SYNE1: variants seen among roughly 807,000 people sequenced by gnomAD.
SYNE1 encodes nesprin-1.
SYNE1 carries 616 observed loss-of-function variants against 1,111.0 expected under a neutral mutation model. The ratio of observed to expected loss-of-function variants is 0.55; its 90% CI spans 0.52 to 0.59. SYNE1 has a LOEUF of 0.59. SYNE1 is among the 20% of genes least tolerant of loss of function. The probability of loss-of-function intolerance (pLI) is 0.00; values close to 1 mark genes in which losing one functional copy is unlikely to be tolerated. For missense variants in SYNE1, 10,006 were observed against 10,417.0 expected (o/e 0.96, Z 1.72); for synonymous variants, 3,855 against 3,825.8 (o/e 1.01, Z -0.28).
intron 72 of SYNE1, among the ~76,000 whole-genome samples, chr6:152,349,607 T>C (rs1184489199): frequency 6.6e-6 from 1 of 152,246 alleles, no homozygotes; most frequent in Admixed American, 6.5e-5. Context: ...AACGCGAGGA[T>C]TCAACTCTTC....
chr6:152,582,288 G>A (rs1352595087), intron 3 of SYNE1, among the ~76,000 whole-genome samples: 1 of 152,040 alleles, frequency 6.6e-6, no homozygotes, highest in Non-Finnish European at 1.5e-5. Flanking sequence ...ATATCTGGAA[G>A]TTCTCTTTCC....
At chr6:152,411,349 T>C (rs918834654) in intron 42 of SYNE1, among the ~76,000 whole-genome samples, 6 of 152,204 alleles carry the variant, frequency 3.9e-5, no homozygotes, top group Admixed American at 3.9e-4. Flanking sequence ...ATTTATTTAC[T>C]TACTTATTTA....
intron 4 of SYNE1, among the ~76,000 whole-genome samples, chr6:152,533,138 G>A (rs1292337432): frequency 6.6e-6 from 1 of 152,064 alleles, no homozygotes; most frequent in Non-Finnish European, 1.5e-5. Context: ...ACAAAGTGTA[G>A]TAATTTAAAA....
intron 11 of SYNE1, among the ~76,000 whole-genome samples, chr6:152,490,582 C>T (rs941436858): frequency 1.3e-5 from 2 of 152,152 alleles, no homozygotes; most frequent in East Asian, 1.9e-4. Flanking sequence ...AAGAGAAAAA[C>T]CCCCTTTGAC....
intron 39 of SYNE1, 62 bp downstream of exon 39, chr6:152,425,319 T>C: frequency 1.9e-6 from 3 of 1,553,472 alleles, no homozygotes; most frequent in Non-Finnish European, 2.7e-6. Context: ...CTTTCTTAAT[T>C]TATATGCTCA....
chr6:152,261,099 T>C (rs1004914276), intron 101 of SYNE1, among the ~76,000 whole-genome samples: 1 of 152,224 alleles, frequency 6.6e-6, no homozygotes, highest in Non-Finnish European at 1.5e-5. Context: ...CCTTTGCTTC[T>C]GGTTTAGCCT....
At position 152,219,218 on chromosome 6, in the gene SYNE1, C is replaced by T. The variant is rs886495851; in HGVS notation, c.21862-33G>A. The T allele has an allele frequency of 3.1e-6, 5 of 1,599,666 alleles. No individual in the cohort carries two copies. In the African/African-American group the frequency reaches 5.4e-5, roughly 17 times the overall value. On this transcript the variant is annotated intron_variant, in intron 119 of 145. Transcript: ENST00000367255. ...AGGTGAAAATATGCCCACTCTGAAG[C>T]ATGTTGATACTCCTTATCATAAACA...
intron 128 of SYNE1, among the ~76,000 whole-genome samples, chr6:152,180,692 T>C (rs531803428): frequency 6.7e-6 from 1 of 148,264 alleles, no homozygotes. Flanking sequence ...AAAAAAGGAA[T>C]AGAAAGATGA....
Position 152,387,112 on chromosome 6 carries a change from T to C in SYNE1, c.8447A>G (p.Glu2816Gly). The change falls in exon 54 of 146, where the codon GAG (glutamate) becomes GGG (glycine). Residue 2816 changes from glutamate to glycine, a missense_variant. By Grantham distance (98) the Glu-to-Gly change is moderately conservative. Around this residue, in one of 7 missense-constraint regions of SYNE1, gnomAD observed 4,955 missense variants for 5,017.2 expected, o/e 0.99. Transcript: ENST00000367255. Reference protein sequence around the residue: ...DESFKDTAQEELKTQFNDIMT... With the variant: ...DESFKDTAQEGLKTQFNDIMT... ...TATATCATTAAACTGTGTTTTCAGC[T>C]CCTCTTGAGCTGTGTCCTTGAAAGA... 6.2e-7 allele frequency: 1 copy of C among 1,614,152 alleles called. No individual in the cohort carries two copies. Among genetic ancestry groups the C allele is most frequent in the Non-Finnish European group, 8.5e-7 (1 of 1,179,988 alleles).
intron 3 of SYNE1, among the ~76,000 whole-genome samples, chr6:152,574,166 A>AT (rs1243724101): frequency 6.9e-6 from 1 of 145,688 alleles, no homozygotes; most frequent in Admixed American, 7.0e-5. Context: ...ATATATGTAT[A>AT]TATATACACA....
chr6:152,430,365 C>T, intron 35 of SYNE1, 117 bp downstream of exon 35: 2 of 1,144,182 alleles, frequency 1.7e-6, no homozygotes, highest in South Asian at 1.3e-5. Flanking sequence ...CAACATGTCC[C>T]ATTATTTCAC....
rs2097217911 is a variant in SYNE1, at chr6:152,373,194, C to T, written c.9350G>A (p.Gly3117Glu). 3 of 1,612,794 alleles carry T rather than the reference C, an allele frequency of 1.9e-6. No homozygotes were observed. The highest frequency in any genetic ancestry group is 2.5e-6 in the Non-Finnish European group (3 of 1,179,850). Residue 3117 changes from glycine to glutamate, a missense_variant, in exon 59 of 146, where the codon GGA (glycine) becomes GAA (glutamate). Gly to Glu is a moderately conservative substitution (Grantham distance 98). Coordinates refer to ENST00000367255, the MANE Select transcript of SYNE1 (RefSeq NM_182961.4). ...IQEFLSESEN[G>E]QHKLNMMLSK... ...CAGCATCATGTTTAGCTTGTGCTGT[C>T]CATTTTCACTTTCTGACAAAAACTC...
At chr6:152,600,786 A>G (rs2099594259) in intron 3 of SYNE1, among the ~76,000 whole-genome samples, 1 of 152,176 alleles carries the variant, frequency 6.6e-6, no homozygotes, top group African/African-American at 2.4e-5. Context: ...ATGGCTCTTT[A>G]TTTTATAAAG....
chr6:152,284,100 C>T lies in SYNE1; in HGVS notation c.18085G>A (p.Val6029Ile), dbSNP rs757079165. ...ELQSSLAEEL[V>I]SESCEADPAE... is the part of the protein sequence containing the mutation. ...GGGTCGGCCTCACAAGACTCGGATA[C>T]CAGCTCCTCTGCGAGAGAGGACTGG... The change falls in exon 96 of 146, where the codon GTA becomes ATA. Residue 6029 changes from valine to isoleucine, a missense_variant. Coordinates refer to ENST00000367255, the MANE Select transcript of SYNE1 (RefSeq NM_182961.4). The T allele has an allele frequency of 1.5e-5, 25 of 1,614,166 alleles. No individual in the cohort carries two copies. In the Admixed American group the frequency reaches 4.2e-4, roughly 27 times the overall value.
At chr6:152,624,383 T>C (rs143914298) in intron 3 of SYNE1, among the ~76,000 whole-genome samples, 1 of 152,174 alleles carries the variant, frequency 6.6e-6, no homozygotes, top group African/African-American at 2.4e-5. Flanking sequence ...CAACAAGTTC[T>C]TTTTAAGTAA....
chr6:152,164,867 A>C (rs1326297439), intron 130 of SYNE1, among the ~76,000 whole-genome samples: 3 of 152,222 alleles, frequency 2.0e-5, no homozygotes, highest in Non-Finnish European at 4.4e-5. Flanking sequence ...CTCATAACAG[A>C]GGTAAACAGC....
At chr6:152,528,865 C>T (rs911755848) in intron 4 of SYNE1, among the ~76,000 whole-genome samples, 3 of 152,148 alleles carry the variant, frequency 2.0e-5, no homozygotes, top group African/African-American at 7.2e-5. Context: ...ATATGAATTA[C>T]ATTTATGGGT....
chr6:152,255,566 C>T (rs1468052241), intron 103 of SYNE1, 25 bp downstream of exon 103: 1 of 1,613,420 alleles, frequency 6.2e-7, no homozygotes, highest in South Asian at 1.1e-5. Context: ...GTTATACACA[C>T]ACAGGCAGGA....
intron 42 of SYNE1, 48 bp downstream of exon 42, chr6:152,413,304 A>G (rs767178339): frequency 6.2e-7 from 1 of 1,600,046 alleles, no homozygotes; most frequent in South Asian, 1.1e-5. Context: ...CCAATGTCAC[A>G]TAATAAGTGG....
Sources: allele counts gnomAD v4.1 joint callset (sites outside exome capture counted in the v4.1 genomes callset), GRCh38; gene constraint gnomAD v4.1.1; regional missense constraint gnomAD v4.1.1; transcripts MANE v1.5; gene names NCBI Gene and HGNC (gene_info 2026-07-23, HGNC 2026-07-21).